ABCC4: variants seen among roughly 807,000 people sequenced by gnomAD.
The protein encoded by ABCC4 is ATP-binding cassette sub-family C member 4.
A neutral mutation model predicts 168.5 loss-of-function variants in ABCC4; 102 were observed. The observed-to-expected ratio is 0.61, with a 90% CI of 0.52 to 0.71. The LOEUF is 0.71. Among genes scored for constraint, ABCC4 ranks in the 30% least tolerant of loss-of-function variants. The pLI is 0.00. For synonymous variants in ABCC4, 617 were observed against 590.7 expected (o/e 1.04, Z -0.65); for missense variants, 1,402 against 1,605.8 (o/e 0.87, Z 2.17).
intron 20 of ABCC4, among the ~76,000 whole-genome samples, chr13:95,088,929 T>G (rs1467337384): frequency 6.6e-6 from 1 of 151,706 alleles, no homozygotes. Context: ...ATAAAAAAAC[T>G]GATGAAATCA....
chr13:95,159,133 A>ATATATATATATATATATATAT (rs59552400), intron 19 of ABCC4, among the ~76,000 whole-genome samples: 6 of 125,332 alleles, frequency 4.8e-5, no homozygotes, highest in Non-Finnish European at 6.7e-5. Context: ...ATATATATAT[A>ATATATATATATATATATATAT]ACTATTGAAG....
chr13:95,076,178 G>A (rs2033895642), intron 21 of ABCC4, among the ~76,000 whole-genome samples: 1 of 152,202 alleles, frequency 6.6e-6, no homozygotes, highest in African/African-American at 2.4e-5. Context: ...ATGGACCTGG[G>A]TGCTGCAATG....
chr13:95,282,405 G>A (rs536203926), intron 1 of ABCC4, among the ~76,000 whole-genome samples: 6 of 152,324 alleles, frequency 3.9e-5, no homozygotes, highest in African/African-American at 1.4e-4. Context: ...CTCAAGAGCA[G>A]GGGTTCTGAC....
intron 11 of ABCC4, among the ~76,000 whole-genome samples, chr13:95,186,373 AATG>A (rs1427802151): frequency 1.3e-4 from 20 of 152,306 alleles, no homozygotes; most frequent in Admixed American, 1.3e-3. Flanking sequence ...GAACTTGAGC[AATG>A]GGTACAGGCA....
chr13:95,277,277 TA>T (rs1228447534), intron 1 of ABCC4, among the ~76,000 whole-genome samples: 2 of 150,572 alleles, frequency 1.3e-5, no homozygotes, highest in East Asian at 4.0e-4. Context: ...GGGGTCAGAG[TA>T]ACAGTAAGAT....
intron 19 of ABCC4, among the ~76,000 whole-genome samples, chr13:95,125,619 A>T (rs1330161173): frequency 6.6e-6 from 1 of 152,198 alleles, no homozygotes; most frequent in African/African-American, 2.4e-5. Context: ...CTCCAGTTCT[A>T]CCTCATCCCA....
intron 20 of ABCC4, among the ~76,000 whole-genome samples, chr13:95,114,433 G>T (rs2035305082): frequency 6.6e-6 from 1 of 152,010 alleles, no homozygotes; most frequent in Non-Finnish European, 1.5e-5. Context: ...TCTTCTTGAA[G>T]TAATTAACAA....
intron 19 of ABCC4, among the ~76,000 whole-genome samples, chr13:95,148,569 C>T (rs925059923): frequency 6.7e-6 from 1 of 149,078 alleles, no homozygotes; most frequent in Admixed American, 6.8e-5. Context: ...AAGTCTCTCT[C>T]TCCCTCTCCC....
intron 19 of ABCC4, among the ~76,000 whole-genome samples, chr13:95,149,832 C>A (rs1357382545): frequency 6.6e-6 from 1 of 152,154 alleles, no homozygotes; most frequent in African/African-American, 2.4e-5. Context: ...CTATTATGTG[C>A]TTCAATCAGA....
At chr13:95,167,259 C>T (rs746747116) in intron 14 of ABCC4, among the ~76,000 whole-genome samples, 4 of 151,988 alleles carry the variant, frequency 2.6e-5, no homozygotes, top group South Asian at 2.1e-4. Context: ...ACTGAAAATT[C>T]GACATTCCAT....
intron 29 of ABCC4, among the ~76,000 whole-genome samples, chr13:95,038,557 G>A (rs898234934): frequency 6.6e-6 from 1 of 151,964 alleles, no homozygotes; most frequent in African/African-American, 2.4e-5. Context: ...ACTTAGACAC[G>A]TAGAAATGGT....
intron 1 of ABCC4, among the ~76,000 whole-genome samples, chr13:95,280,810 G>A (rs1250694364): frequency 2.0e-5 from 3 of 151,940 alleles, no homozygotes; most frequent in East Asian, 3.9e-4. Context: ...CCTATTTTCT[G>A]GGCAAACTTA....
chr13:95,124,713 G>GAAAAAAAAAAA (rs59665124), intron 19 of ABCC4, among the ~76,000 whole-genome samples: 2 of 59,208 alleles, frequency 3.4e-5, no homozygotes, highest in African/African-American at 8.1e-5. Context: ...TACTAAAAAC[G>GAAAAAAAAAAA]AAAAAAAAAA....
intron 3 of ABCC4, among the ~76,000 whole-genome samples, chr13:95,240,347 C>T (rs891837566): frequency 6.6e-6 from 1 of 152,160 alleles, no homozygotes; most frequent in Non-Finnish European, 1.5e-5. Flanking sequence ...GCCTGGCCAA[C>T]ATGGTGAAAC....
At chr13:95,077,136 A>C (rs2033933155) in intron 21 of ABCC4, among the ~76,000 whole-genome samples, 1 of 152,198 alleles carries the variant, frequency 6.6e-6, no homozygotes, top group South Asian at 2.1e-4. Flanking sequence ...TGAGAGTTTC[A>C]ATTGTCTACC....
intron 22 of ABCC4, among the ~76,000 whole-genome samples, chr13:95,074,627 A>G (rs2033838064): frequency 6.6e-6 from 1 of 152,204 alleles, no homozygotes; most frequent in Non-Finnish European, 1.5e-5. Flanking sequence ...ACTTATGTGA[A>G]GTGCATCTCA....
chr13:95,264,313 C>T (rs570588347), intron 1 of ABCC4, among the ~76,000 whole-genome samples: 1 of 152,242 alleles, frequency 6.6e-6, no homozygotes, highest in Admixed American at 6.5e-5. Context: ...TCCACGGTTG[C>T]TAAAATCAGT....
At chr13:95,173,625 C>A (rs534830493) in intron 13 of ABCC4, among the ~76,000 whole-genome samples, 1 of 152,260 alleles carries the variant, frequency 6.6e-6, no homozygotes, top group Admixed American at 6.5e-5. Flanking sequence ...GTGAATGGGG[C>A]AGACTGCAAA....
chr13:95,196,651 A>AGGGAG (rs1223496943), intron 8 of ABCC4, among the ~76,000 whole-genome samples: 1 of 31,700 alleles, frequency 3.2e-5, no homozygotes, highest in Non-Finnish European at 5.9e-5. Context: ...GAAGGAAGGA[A>AGGGAG]GGAAGGAAGG....
Sources: allele counts gnomAD v4.1 joint callset (sites outside exome capture counted in the v4.1 genomes callset), GRCh38; gene constraint gnomAD v4.1.1; transcripts MANE v1.5; gene names NCBI Gene and HGNC (gene_info 2026-07-23, HGNC 2026-07-21).